The following DHCR7 variants were observed in gnomAD, a reference collection of about 807,000 sequenced individuals.
DHCR7 encodes 7-DHC reductase.
In DHCR7, 40 loss-of-function variants were observed where a neutral mutation model predicts 43.3. The ratio of observed to expected loss-of-function variants is 0.92; its 90% CI spans 0.72 to 1.20. DHCR7 has a LOEUF of 1.20. Ranked by LOEUF, DHCR7 falls within the 50% of genes most tolerant of loss-of-function variation. The pLI is 0.00. For missense variants in DHCR7, 608 were observed against 644.6 expected, an observed-to-expected ratio of 0.94 and a Z score of 0.62; for synonymous variants, 298 against 271.4, an observed-to-expected ratio of 1.10 and a Z score of -0.96.
chr11:71,447,995 G>A (rs1213214341), intron 1 of DHCR7: 2 of 152,730 alleles, frequency 1.3e-5, no homozygotes, highest in Non-Finnish European at 2.9e-5. Context: ...ATGGGGCCAG[G>A]AGCCGACCCC....
At chr11:71,429,249 A>C (rs1949216159) in intron 2 of DHCR7, among the ~76,000 whole-genome samples, 1 of 152,212 alleles carries the variant, frequency 6.6e-6, no homozygotes, top group Non-Finnish European at 1.5e-5. Context: ...CTGCAGCAAG[A>C]GAGGTCTGAC....
At chr11:71,430,731 A>T (rs146794142), downstream of DHCR7, among the ~76,000 whole-genome samples, 12 of 152,364 alleles carry the variant, frequency 7.9e-5, no homozygotes, top group African/African-American at 2.2e-4. Context: ...GAGGGGAGCT[A>T]GAGAGGGGCC....
chr11:71,438,974 CGATCCCGGGGCGCCCA>C lies in DHCR7; in HGVS notation c.720_735del (p.Asn240LysfsTer22). ...GACAGGTTGATGAGGGTCCAGGCGA[CGATCCCGGGGCGCCCA>C]TTGAAGAACAGCTTGAAGTCAAACC... On this transcript the variant is annotated frameshift_variant, in exon 7 of 9. Transcript: ENST00000355527. LOFTEE classifies it high-confidence loss of function. The C allele has an allele frequency of 1.2e-6, 2 of 1,614,086 alleles. No homozygotes were observed. The highest frequency in any genetic ancestry group is 1.7e-6 in the Non-Finnish European group (2 of 1,180,050).
At chr11:71,427,365 A>C (rs1266041652), downstream of DHCR7, among the ~76,000 whole-genome samples, 1 of 152,226 alleles carries the variant, frequency 6.6e-6, no homozygotes, top group Non-Finnish European at 1.5e-5. Context: ...AAAATACAGC[A>C]AGTCTTCCAT....
chr11:71,439,183 A>C, intron 6 of DHCR7, 100 bp from the exon 7 acceptor site: 1 of 1,172,278 alleles, frequency 8.5e-7, no homozygotes, highest in Non-Finnish European at 1.2e-6. Context: ...CAGGGTCCTA[A>C]AGGGTAACGT....
At chr11:71,430,430 G>A (rs1254230786), downstream of DHCR7, among the ~76,000 whole-genome samples, 2 of 152,230 alleles carry the variant, frequency 1.3e-5, no homozygotes, top group African/African-American at 4.8e-5. Context: ...CAGCACCCAG[G>A]TGAGGGTGCC....
chr11:71,439,212 G>T, intron 6 of DHCR7, 129 bp from the exon 7 acceptor site: 1 of 887,916 alleles, frequency 1.1e-6, no homozygotes, highest in Non-Finnish European at 1.8e-6. Context: ...GCAGGCAGAA[G>T]CTGGCCATGA....
At chr11:71,427,459 G>A (rs927125592), downstream of DHCR7, among the ~76,000 whole-genome samples, 3 of 152,022 alleles carry the variant, frequency 2.0e-5, no homozygotes, top group Admixed American at 2.0e-4. Flanking sequence ...TTACTTTTTT[G>A]CAAGAATAGA....
At chr11:71,427,317 C>T (rs981032021), downstream of DHCR7, among the ~76,000 whole-genome samples, 3 of 152,090 alleles carry the variant, frequency 2.0e-5, no homozygotes, top group Admixed American at 2.0e-4. Flanking sequence ...ATTTATTTAG[C>T]TCTTCTTTAA....
chr11:71,441,000 C>T (rs1030200598), intron 6 of DHCR7, among the ~76,000 whole-genome samples: 67 of 152,212 alleles, frequency 4.4e-4, no homozygotes, highest in Non-Finnish European at 1.0e-4. Context: ...GACTTGGCCA[C>T]CACAGCTGAC....
upstream of DHCR7, chr11:71,448,585 G>C (rs1399010243): frequency 6.6e-6 from 1 of 152,268 alleles, no homozygotes; most frequent in Non-Finnish European, 1.5e-5. Context: ...CCGCCCCACC[G>C]GCCCGCCCGG....
intron 5 of DHCR7, among the ~76,000 whole-genome samples, chr11:71,441,891 C>A (rs1003207868): frequency 6.6e-6 from 1 of 152,192 alleles, no homozygotes; most frequent in Non-Finnish European, 1.5e-5. Context: ...CAAAGCCAGG[C>A]TCCTCGTGGG....
rs765908713 is a variant in DHCR7, at chr11:71,435,703, C to T, written c.1100G>A (p.Arg367His). 12 of 1,613,032 alleles carry T rather than the reference C, an allele frequency of 7.4e-6. No individual in the cohort carries two copies. Among genetic ancestry groups the T allele is most frequent in the Admixed American group, 5.0e-5 (3 of 60,010 alleles). The change falls in exon 9 of 9, where the codon CGC (arginine) becomes CAC (histidine). Residue 367 changes from arginine (R) to histidine (H), a missense_variant. Transcript: ENST00000355527. ...QKDLFRRTDG[R>H]CLIWGRKPKV... ...GGGCTTCCTGCCCCAGATGAGGCAG[C>T]GCCCATCCGTGCGGCGGAACAGGTC...
chr11:71,432,842 G>C (rs574527660), downstream of DHCR7, among the ~76,000 whole-genome samples: 1 of 152,324 alleles, frequency 6.6e-6, no homozygotes, highest in Admixed American at 6.5e-5. Context: ...AATCTGCGCA[G>C]CTCCTCCCAG....
chr11:71,435,624 C>T lies in DHCR7; in HGVS notation c.1179G>A (p.Lys393=), dbSNP rs1387164082. The change falls in exon 9 of 9, where the codon AAG becomes AAA. Residue 393 remains lysine, a synonymous_variant. Coordinates refer to ENST00000355527, the MANE Select transcript of DHCR7 (RefSeq NM_001360.3). The part of the protein sequence containing the change: ...TSADGQRHHS[K]LLVSGFWGVA... ...CGCCCCAGAAGCCCGACACCAGCAG[C>T]TTGCTGTGGTGCCTCTGCCCATCGG... is the stretch of plus-strand genomic sequence containing the variant. 1 of 1,611,454 alleles carries T rather than the reference C, an allele frequency of 6.2e-7. No individual in the cohort carries two copies.
chr11:71,441,037 C>T (rs1019523322), intron 6 of DHCR7, among the ~76,000 whole-genome samples, 190 bp downstream of exon 6: 20 of 152,324 alleles, frequency 1.3e-4, no homozygotes, highest in African/African-American at 4.8e-4. Flanking sequence ...GCATTCTTGC[C>T]AAGGCTGGAG....
chr11:71,444,521 G>C (rs1410979645), intron 3 of DHCR7, among the ~76,000 whole-genome samples: 1 of 152,194 alleles, frequency 6.6e-6, no homozygotes, highest in Non-Finnish European at 1.5e-5. Flanking sequence ...CCAGGTCGGA[G>C]AGGATACTCA....
chr11:71,438,995 A>G lies in DHCR7; in HGVS notation c.715T>C (p.Phe239Leu). The change falls in exon 7 of 9, where the codon TTC becomes CTC. Residue 239 changes from phenylalanine to leucine, a missense_variant. Transcript: ENST00000355527. ...GCGACGATCCCGGGGCGCCCATTGA[A>G]GAACAGCTTGAAGTCAAACCACTTC... ...IGKWFDFKLFFNGRPGIVAWT... is the reference protein window; with the variant it reads ...IGKWFDFKLFLNGRPGIVAWT... 1 of 1,614,128 alleles carries G rather than the reference A, an allele frequency of 6.2e-7. No homozygotes were observed. The highest frequency in any genetic ancestry group is 8.5e-7 in the Non-Finnish European group (1 of 1,180,048).
chr11:71,428,789 C>T (rs1013963184), exon 3 of DHCR7: 6 of 455,276 alleles, frequency 1.3e-5, no homozygotes, highest in African/African-American at 6.0e-5. Flanking sequence ...AGGGTCATCT[C>T]CAAGTCTTAA....
Sources: gnomAD v4.1 joint callset for allele counts (sites outside exome capture counted in the v4.1 genomes callset) on GRCh38, gnomAD v4.1.1 for gene constraint, MANE v1.5 for transcripts, NCBI Gene and HGNC (gene_info 2026-07-23, HGNC 2026-07-21) for gene names.